The following AVEN variants were observed in gnomAD, a reference collection of about 807,000 sequenced individuals.
AVEN encodes the protein apoptosis and caspase activation inhibitor, also known as cell death regulator Aven.
In AVEN, 41 loss-of-function variants were observed where a neutral mutation model predicts 38.1. That is an observed-to-expected ratio of 1.08 (90% CI 0.84 to 1.40). AVEN has a LOEUF of 1.40. Among genes scored for constraint, AVEN ranks in the 40% most tolerant of loss-of-function variants. The pLI, the probability that AVEN is intolerant of heterozygous loss-of-function variation, is 0.00. For synonymous variants in AVEN, 206 were observed against 171.8 expected (o/e 1.20, Z -1.56); for missense variants, 605 against 438.8 (o/e 1.38, Z -3.38).
exon 12 of AVEN, chr15:33,858,837 C>T (rs891712400): frequency 1.3e-5 from 2 of 152,234 alleles, no homozygotes; most frequent in Non-Finnish European, 2.9e-5. Flanking sequence ...GTGAAATGCC[C>T]AGTCTGTGAG....
chr15:33,923,281 T>G (rs754261809), intron 2 of AVEN, among the ~76,000 whole-genome samples: 8 of 152,244 alleles, frequency 5.3e-5, no homozygotes, highest in Non-Finnish European at 7.3e-5. Flanking sequence ...TAATTGTGTA[T>G]TCTATCCTTG....
intron 4 of AVEN, among the ~76,000 whole-genome samples, chr15:33,870,676 T>C (rs1220699356): frequency 6.6e-6 from 1 of 152,182 alleles, no homozygotes; most frequent in East Asian, 1.9e-4. Context: ...TTGAGTAAAA[T>C]AGCCAGACTT....
chr15:33,865,662 CAGTCTAATTTTTCCCATGGTACTTGCT>C (rs1890263890), downstream of AVEN: 1 of 156,778 alleles, frequency 6.4e-6, no homozygotes, highest in African/African-American at 2.4e-5. Flanking sequence ...ATAATAACTG[CAGTCTAATTTTTCCCATGGTACTTGCT>C]AGTGACTGTA....
intron 2 of AVEN, among the ~76,000 whole-genome samples, chr15:33,911,061 A>G (rs1597221752): frequency 6.6e-6 from 1 of 152,364 alleles, no homozygotes; most frequent in South Asian, 2.1e-4. Context: ...ACTAAACTGC[A>G]TAGAAGCCAA....
chr15:33,887,806 G>A (rs1891764600), intron 2 of AVEN, among the ~76,000 whole-genome samples: 1 of 151,724 alleles, frequency 6.6e-6, no homozygotes, highest in Non-Finnish European at 1.5e-5. Flanking sequence ...AAAAGATTTG[G>A]TCCACCAAGA....
downstream of AVEN, chr15:33,864,093 T>TGGGTCTTGACCAGAG: frequency 6.9e-7 from 1 of 1,446,674 alleles, no homozygotes; most frequent in Non-Finnish European, 9.6e-7. Flanking sequence ...CGAATGAACT[T>TGGGTCTTGACCAGAG]GGGTCTTGAC....
intron 1 of AVEN, among the ~76,000 whole-genome samples, chr15:34,005,854 G>A (rs1236097108): frequency 6.6e-6 from 1 of 152,130 alleles, no homozygotes; most frequent in Non-Finnish European, 1.5e-5. Context: ...AAGCCTCCCT[G>A]TCAAAACAAA....
chr15:33,934,830 A>T (rs1258388238), intron 2 of AVEN, among the ~76,000 whole-genome samples: 2 of 152,184 alleles, frequency 1.3e-5, no homozygotes, highest in Non-Finnish European at 2.9e-5. Context: ...CAATTGTGTG[A>T]CCTTGAGGAA....
Position 34,020,257 on chromosome 15 carries a change from G to A in AVEN, c.268-17048C>T, listed in dbSNP as rs568912535. ...ACCAGGGAGGCGGAGCTTGCAGTTAGCTGAGATCACACCACTGCACTCTAG... is the reference window on the plus strand; with the variant it reads ...ACCAGGGAGGCGGAGCTTGCAGTTAACTGAGATCACACCACTGCACTCTAG... On this transcript the variant is annotated intron_variant, in intron 1 of 5. Transcript: ENST00000306730. 5.9e-5 allele frequency among the ~76,000 whole-genome samples: 9 copies of A among 151,906 alleles called. No individual in the cohort carries two copies. In the East Asian group the frequency reaches 1.7e-3, roughly 29 times the overall value.
chr15:33,861,480 C>CTTT (rs34330524), downstream of AVEN, among the ~76,000 whole-genome samples: 1 of 148,056 alleles, frequency 6.8e-6, no homozygotes, highest in Non-Finnish European at 1.5e-5. Context: ...TATAAATATG[C>CTTT]TTTTTTTTTT....
intron 2 of AVEN, among the ~76,000 whole-genome samples, chr15:34,000,825 C>T (rs1897109615): frequency 6.6e-6 from 1 of 152,076 alleles, no homozygotes; most frequent in African/African-American, 2.4e-5. Context: ...AAAGACAAGA[C>T]AGCTGCAATT....
At chr15:33,891,104 A>G (rs78821591) in intron 2 of AVEN, among the ~76,000 whole-genome samples, 1 of 142,882 alleles carries the variant, frequency 7.0e-6, no homozygotes, top group East Asian at 2.0e-4. Context: ...CTCTGTCTGG[A>G]AAAAAAAAAA....
chr15:33,872,392 G>C (rs3794591), intron 3 of AVEN, among the ~76,000 whole-genome samples: 9,441 of 152,168 alleles, frequency 0.062, 361 homozygotes, highest in African/African-American at 0.064. Context: ...CCTTCAATCA[G>C]ACTATTACAT....
chr15:33,958,712 T>A (rs984566203), intron 2 of AVEN, among the ~76,000 whole-genome samples: 6 of 152,318 alleles, frequency 3.9e-5, no homozygotes, highest in African/African-American at 1.4e-4. Context: ...CCTAATCCTC[T>A]ATTTATACTC....
At chr15:34,062,352 G>T (rs1410914380) in intron 5 of AVEN, among the ~76,000 whole-genome samples, 5 of 151,948 alleles carry the variant, frequency 3.3e-5, no homozygotes, top group Non-Finnish European at 5.9e-5. Context: ...TCAGGAGATC[G>T]AGACCATCCC....
chr15:33,885,984 T>C (rs1224161974), intron 2 of AVEN, among the ~76,000 whole-genome samples: 2 of 152,138 alleles, frequency 1.3e-5, no homozygotes, highest in Non-Finnish European at 2.9e-5. Context: ...TTGACAAAGC[T>C]GAATAAATAA....
chr15:33,892,106 T>C (rs1415734040), intron 2 of AVEN, among the ~76,000 whole-genome samples: 1 of 152,192 alleles, frequency 6.6e-6, no homozygotes, highest in Non-Finnish European at 1.5e-5. Flanking sequence ...GTTTGAGTTA[T>C]TTGTAGATTC....
At chr15:33,973,705 A>G (rs1297685393) in intron 2 of AVEN, among the ~76,000 whole-genome samples, 2 of 152,232 alleles carry the variant, frequency 1.3e-5, no homozygotes, top group African/African-American at 4.8e-5. Context: ...TAAAAAAATA[A>G]GAAAATCTAT....
At chr15:33,914,215 A>G (rs1041031979) in intron 2 of AVEN, among the ~76,000 whole-genome samples, 1 of 151,936 alleles carries the variant, frequency 6.6e-6, no homozygotes, top group Non-Finnish European at 1.5e-5. Context: ...TTTTCTTTAT[A>G]AAGTTTGAAT....
Sources: allele counts gnomAD v4.1 joint callset (sites outside exome capture counted in the v4.1 genomes callset), GRCh38; gene constraint gnomAD v4.1.1; transcripts MANE v1.5; gene names NCBI Gene and HGNC (gene_info 2026-07-23, HGNC 2026-07-21).